The following SPIRE2 variants were observed in gnomAD, a reference collection of about 807,000 sequenced individuals.
SPIRE2 encodes spire type actin nucleation factor 2, also known as protein spire homolog 2.
A neutral mutation model predicts 80.7 loss-of-function variants in SPIRE2; 76 were observed. That is an observed-to-expected ratio of 0.94 (90% confidence interval 0.78 to 1.14). The LOEUF is 1.14. SPIRE2 is among the 50% of genes most tolerant of loss of function. The pLI is 0.00. For missense variants in SPIRE2, 1,196 were observed against 1,015.3 expected (o/e 1.18, Z -2.42); for synonymous variants, 535 against 432.6 (o/e 1.24, Z -2.94).
chr16:89,858,215 G>A, intron 7 of SPIRE2, 123 bp from the exon 8 acceptor site: 1 of 1,037,748 alleles, frequency 9.6e-7, no homozygotes, highest in Non-Finnish European at 1.4e-6. Context: ...TGGCTGGCTA[G>A]CCCTCAGTTT....
chr16:89,829,810 C>T (rs1314716711), intron 1 of SPIRE2, among the ~76,000 whole-genome samples: 3 of 151,474 alleles, frequency 2.0e-5, no homozygotes, highest in African/African-American at 7.2e-5. Context: ...TCTGGAGAAA[C>T]CTGAGGCGCA....
intron 1 of SPIRE2, among the ~76,000 whole-genome samples, chr16:89,831,791 C>T (rs1050822910): frequency 1.3e-5 from 2 of 151,350 alleles, no homozygotes; most frequent in East Asian, 3.9e-4. Context: ...TTTCTCCTGC[C>T]CCTCCCCCTT....
At chr16:89,852,834 C>T (rs1597217617) in intron 3 of SPIRE2, among the ~76,000 whole-genome samples, 3 of 53,450 alleles carry the variant, frequency 5.6e-5, no homozygotes, top group Non-Finnish European at 1.2e-4. Flanking sequence ...GCCCGTCTTC[C>T]GTCCTCCCTC....
rs923523864 is a variant in SPIRE2, at chr16:89,850,637, G to T, written c.622G>T (p.Ala208Ser). 44 of 1,493,976 alleles carry T rather than the reference G, an allele frequency of 2.9e-5. No homozygotes were observed. Among genetic ancestry groups the T allele is most frequent in the Non-Finnish European group, 3.9e-5 (44 of 1,127,932 alleles). The allele number at this position is 1,493,976 out of a possible 1,614,324, so 92.5% of individuals were successfully genotyped here. A position where few individuals can be genotyped will look rare whatever the true frequency, so the allele number is the denominator to read the frequency against. Reference sequence around the variant, plus strand: ...GACGCTGGAGCTGCGGGCCTTCCTGGCCAGGGTCCGGGAGGCCAAGGAGGT... The same window carrying T: ...GACGCTGGAGCTGCGGGCCTTCCTGTCCAGGGTCCGGGAGGCCAAGGAGGT... ...VETLELRAFL[A>S]RVREAKEMLQ... Residue 208 changes from alanine to serine, a missense_variant, in exon 3 of 15, where the codon GCC becomes TCC. Coordinates refer to ENST00000378247, the MANE Select transcript of SPIRE2 (RefSeq NM_032451.2).
In SPIRE2 at chr16:89,845,341, G is replaced by A; in HGVS notation, c.264G>A (p.Val88=). 6.2e-7 allele frequency: 1 copy of A among 1,614,192 alleles called. No homozygotes were observed. The highest frequency in any genetic ancestry group is 8.5e-7 in the Non-Finnish European group (1 of 1,180,022). ...TTACAGAACCTGCAACCATGGTCGT[G>A]CCACTAGCCAGCTCGGAAGCCCAGG... is the stretch of plus-strand genomic sequence containing the variant. The part of the protein sequence containing the change: ...PEAAEPATMV[V]PLASSEAQTV... Residue 88 remains valine (V), a synonymous_variant, in exon 2 of 15, where the codon GTG becomes GTA. Transcript: ENST00000378247.
intron 5 of SPIRE2, among the ~76,000 whole-genome samples, chr16:89,855,060 T>C (rs1184114287): frequency 3.9e-5 from 6 of 152,074 alleles, no homozygotes; most frequent in Admixed American, 2.0e-4. Context: ...TGCCTTAGCC[T>C]CCCAAGTAGC....
rs372030565 is a variant in SPIRE2, at chr16:89,845,353, C to T, written c.276C>T (p.Ser92=). The change falls in exon 2 of 15, where the codon AGC becomes AGT. Residue 92 remains serine, a synonymous_variant. Transcript: ENST00000378247. ...CAACCATGGTCGTGCCACTAGCCAGCTCGGAAGCCCAGGTACTTTTTAAAA... is the reference window on the plus strand; with the variant it reads ...CAACCATGGTCGTGCCACTAGCCAGTTCGGAAGCCCAGGTACTTTTTAAAA... ...EPATMVVPLA[S]SEAQTVQSLG... 12 of 1,613,970 alleles carry T rather than the reference C, an allele frequency of 7.4e-6. No individual in the cohort carries two copies. Among genetic ancestry groups the T allele is most frequent in the Non-Finnish European group, 1.0e-5 (12 of 1,179,964 alleles).
At chr16:89,836,859 G>C (rs747117949) in intron 1 of SPIRE2, among the ~76,000 whole-genome samples, 1 of 151,944 alleles carries the variant, frequency 6.6e-6, no homozygotes, top group Non-Finnish European at 1.5e-5. Context: ...GCTGGGCGTC[G>C]TGGTACATGC....
At position 89,850,319 on chromosome 16, in the gene SPIRE2, G is replaced by C; in HGVS notation, c.304G>C (p.Gly102Arg). 6.2e-7 allele frequency: 1 copy of C among 1,603,246 alleles called. No homozygotes were observed. Among genetic ancestry groups the C allele is most frequent in the Non-Finnish European group, 8.5e-7 (1 of 1,177,368 alleles). The part of the protein sequence containing the change: ...SSEAQTVQSL[G>R]FAIYRALDWG... ...TGTCCCGCAGACCGTGCAGTCCCTCGGCTTCGCCATCTACCGCGCGCTGGA... is the reference window on the plus strand; with the variant it reads ...TGTCCCGCAGACCGTGCAGTCCCTCCGCTTCGCCATCTACCGCGCGCTGGA... Residue 102 changes from glycine (G) to arginine (R), a missense_variant, in exon 3 of 15, where the codon GGC becomes CGC. Physicochemically the swap from Gly to Arg is moderately radical, Grantham distance 125. Transcript: ENST00000378247.
In SPIRE2 at chr16:89,835,854, C is replaced by T. The variant is rs572250560; in HGVS notation, c.244+7060C>T. Among the ~76,000 whole-genome samples the T allele has an allele frequency of 4.6e-5, 7 of 152,146 alleles. No homozygotes were observed. The South Asian group carries it at 6.2e-4, about 14-fold the overall frequency. ...CGTGTGTCTCTCTGGGACTGAGGAG[C>T]GGGAGGAGTGCGTGGGAGTAGTTTA... On this transcript the variant is annotated intron_variant, in intron 1 of 14. Transcript: ENST00000378247.
Position 89,863,511 on chromosome 16 carries a change from T to C in SPIRE2, c.1611T>C (p.Thr537=), listed in dbSNP as rs953109028. The part of the protein sequence containing the change: ...FSHPVESLAL[T]VEEVMDVRRV... ...ACCCCGTGGAGAGCCTGGCGCTGAC[T>C]GTGGAAGAGGTGATGGACGTGCGCC... The change falls in exon 11 of 15, where the codon ACT becomes ACC. Residue 537 remains threonine, a synonymous_variant. Transcript: ENST00000378247. This position sits in a 1 kb window ranked among gnomAD's most constrained non-coding sequence, Gnocchi z 4.3. 1.9e-6 allele frequency: 3 copies of C among 1,613,918 alleles called. No individual in the cohort carries two copies. The highest frequency in any genetic ancestry group is 1.7e-5 in the Admixed American group (1 of 59,994).
chr16:89,840,249 T>TC (rs2041491396), intron 1 of SPIRE2, among the ~76,000 whole-genome samples: 1 of 148,770 alleles, frequency 6.7e-6, no homozygotes, highest in African/African-American at 2.5e-5. Context: ...TGTCATCTTT[T>TC]TTTTTTTTTT....
chr16:89,828,672 G>T lies in SPIRE2; in HGVS notation c.122G>T (p.Trp41Leu). 1 of 1,348,334 alleles carries T rather than the reference G, an allele frequency of 7.4e-7. No individual in the cohort carries two copies. Among genetic ancestry groups the T allele is most frequent in the East Asian group, 3.2e-5 (1 of 30,886 alleles). The allele number at this position is 1,348,334 out of a possible 1,614,324, so 83.5% of individuals were successfully genotyped here. A position where few individuals can be genotyped will look rare whatever the true frequency, so the allele number is the denominator to read the frequency against. The stretch of plus-strand genomic sequence containing the variant: ...CAGCCGCTCAACGAGGAGCAGGCGT[G>T]GGCCGTGTGCTTCCAGGGCTGCCGC... Reference protein sequence around the residue: ...YEQPLNEEQAWAVCFQGCRGL... With the variant: ...YEQPLNEEQALAVCFQGCRGL... The change falls in exon 1 of 15, where the codon TGG (tryptophan) becomes TTG (leucine). Residue 41 changes from tryptophan (W) to leucine (L), a missense_variant. Transcript: ENST00000378247. The surrounding 1 kb of genome is among the most constrained non-coding windows in gnomAD (Gnocchi z 5.9).
At chr16:89,858,266 A>AC in intron 7 of SPIRE2, 72 bp from the exon 8 acceptor site, 1 of 1,432,430 alleles carries the variant, frequency 7.0e-7, no homozygotes, top group Non-Finnish European at 9.3e-7. Flanking sequence ...GCTGGTGCAC[A>AC]CAAAGCTGTC....
intron 1 of SPIRE2, among the ~76,000 whole-genome samples, chr16:89,829,015 G>A (rs1219849165): frequency 6.6e-6 from 1 of 152,104 alleles, no homozygotes; most frequent in Non-Finnish European, 1.5e-5. Flanking sequence ...CCCCGGCCCT[G>A]GACGTTCCCC....
At chr16:89,860,458 G>T (rs556239190) in intron 9 of SPIRE2, among the ~76,000 whole-genome samples, 1 of 151,956 alleles carries the variant, frequency 6.6e-6, no homozygotes, top group African/African-American at 2.4e-5. Flanking sequence ...TGAGGGTCTC[G>T]CTACGTTGCC....
chr16:89,860,936 G>A, intron 10 of SPIRE2, 141 bp downstream of exon 10: 1 of 549,828 alleles, frequency 1.8e-6, no homozygotes, highest in Non-Finnish European at 3.0e-6. Context: ...GGGGGGCGCG[G>A]TCTGAACATG....
rs199533175 is a variant in SPIRE2 at position 89,849,283 on chromosome 16, AG to A, written c.289-1017del. 4.5e-3 allele frequency among the ~76,000 whole-genome samples: 682 copies of A among 152,210 alleles called. 3 individuals are homozygous for A. The highest frequency in any genetic ancestry group is 0.016 in the African/African-American group (646 of 41,536). On this transcript the variant is annotated intron_variant, in intron 2 of 14. Transcript: ENST00000378247. ...TGGCAGTGTGGCACAGAGCTGAGAG[AG>A]GGGCCATGAGCAGCCGCCCGTCCTG...
At chr16:89,843,947 C>T (rs1404621170) in intron 1 of SPIRE2, among the ~76,000 whole-genome samples, 1 of 147,638 alleles carries the variant, frequency 6.8e-6, no homozygotes, top group East Asian at 2.0e-4. Flanking sequence ...GTGATCCACC[C>T]GCCGTGGCAC....
Sources: allele counts gnomAD v4.1 joint callset (sites outside exome capture counted in the v4.1 genomes callset), GRCh38; gene constraint gnomAD v4.1.1; non-coding constraint Gnocchi (gnomAD v3.1); transcripts MANE v1.5; gene names NCBI Gene and HGNC (gene_info 2026-07-23, HGNC 2026-07-21).